Variants in NXN observed in about 807,000 individuals in gnomAD.
NXN encodes the protein nucleoredoxin.
NXN carries 16 observed loss-of-function variants against 48.6 expected under a neutral mutation model. The ratio of observed to expected loss-of-function variants is 0.33; its 90% CI spans 0.22 to 0.50. The LOEUF (loss-of-function observed/expected upper bound fraction) is 0.50, where lower values mean the gene tolerates loss of function less well. Ranked by LOEUF, NXN falls within the 20% of genes least tolerant of loss-of-function variation. The pLI, the probability that NXN is intolerant of heterozygous loss-of-function variation, is 0.98. For synonymous variants in NXN, 281 were observed against 269.6 expected (o/e 1.04, Z -0.41); for missense variants, 492 against 605.5 (o/e 0.81, Z 1.97).
intron 1 of NXN, among the ~76,000 whole-genome samples, chr17:963,860 G>A (rs927561859): frequency 1.3e-5 from 2 of 152,196 alleles, no homozygotes; most frequent in East Asian, 1.9e-4. Context: ...GGCAGATCAC[G>A]AGGTCAGGAG....
At chr17:871,360 G>A (rs2068151520) in intron 1 of NXN, among the ~76,000 whole-genome samples, 1 of 149,816 alleles carries the variant, frequency 6.7e-6, no homozygotes, top group Non-Finnish European at 1.5e-5. Flanking sequence ...GTTAGTAAAT[G>A]GTCTGTTTTC....
chr17:810,769 C>A (rs547797735), intron 5 of NXN, among the ~76,000 whole-genome samples: 4 of 152,102 alleles, frequency 2.6e-5, no homozygotes, highest in Non-Finnish European at 5.9e-5. Context: ...CACCCCTGTA[C>A]TCCCAGCTAC....
intron 1 of NXN, among the ~76,000 whole-genome samples, chr17:915,885 C>CCCTAA (rs1468143906): frequency 5.9e-5 from 9 of 151,696 alleles, no homozygotes; most frequent in East Asian, 3.9e-4. Flanking sequence ...CTGGAACTTC[C>CCCTAA]AGCTGCTCCC....
intron 1 of NXN, among the ~76,000 whole-genome samples, chr17:833,071 T>C (rs1049706610): frequency 2.0e-5 from 3 of 152,074 alleles, no homozygotes; most frequent in Non-Finnish European, 4.4e-5. Context: ...TTTGTATTTT[T>C]TAGTAGAGAC....
intron 5 of NXN, among the ~76,000 whole-genome samples, chr17:811,719 C>G (rs1014531410): frequency 1.6e-3 from 237 of 152,218 alleles, no homozygotes; most frequent in Non-Finnish European, 2.6e-3. Context: ...AACTCATCAT[C>G]AAGACCACGG....
rs190674623 is a variant in NXN at position 810,235 on chromosome 17, C to T, written c.821-4988G>A. On this transcript the variant is annotated intron_variant, in intron 5 of 7. Transcript: ENST00000336868. ...GCACGTTACGAGTCCGTGTGAGTGG[C>T]GTGCACGTTACGAGTCTGTGAGTGG... is the stretch of plus-strand genomic sequence containing the variant. 3.3e-4 allele frequency among the ~76,000 whole-genome samples: 25 copies of T among 76,830 alleles called. No individual in the cohort carries two copies. In the East Asian group the frequency reaches 9.8e-3, roughly 30 times the overall value. The allele number at this position is 76,830 out of a possible 152,430, so 50.4% of individuals were successfully genotyped here.
At chr17:841,999 G>A (rs1450225293) in intron 1 of NXN, among the ~76,000 whole-genome samples, 2 of 152,138 alleles carry the variant, frequency 1.3e-5, no homozygotes, top group Non-Finnish European at 2.9e-5. Flanking sequence ...AGCCGGGTGT[G>A]GTGGCGCATG....
intron 1 of NXN, among the ~76,000 whole-genome samples, chr17:901,385 G>A (rs557338365): frequency 1.1e-3 from 173 of 152,204 alleles, no homozygotes; most frequent in Non-Finnish European, 1.9e-3. Flanking sequence ...TTTCCTCTCC[G>A]CAGTTTATTC....
intron 1 of NXN, among the ~76,000 whole-genome samples, chr17:879,036 G>C (rs554651003): frequency 2.0e-5 from 3 of 151,820 alleles, no homozygotes; most frequent in South Asian, 2.1e-4. Flanking sequence ...GTGGTGGCAG[G>C]CGCCTCTAAT....
chr17:974,036 C>T (rs902329303), intron 1 of NXN, among the ~76,000 whole-genome samples: 1 of 151,674 alleles, frequency 6.6e-6, no homozygotes, highest in African/African-American at 2.4e-5. Flanking sequence ...TTGTAAAAGT[C>T]ATTGGTTTGA....
At chr17:844,545 T>C (rs2067838741) in intron 1 of NXN, among the ~76,000 whole-genome samples, 1 of 152,208 alleles carries the variant, frequency 6.6e-6, no homozygotes, top group African/African-American at 2.4e-5. Context: ...AATACAAATA[T>C]ATGGTAGGTT....
intron 1 of NXN, among the ~76,000 whole-genome samples, chr17:913,295 CAG>C (rs10617342): frequency 0.72 from 108,877 of 151,862 alleles, 41,716 homozygotes; most frequent in East Asian, 1. Flanking sequence ...TCCCAAATGA[CAG>C]AACTCATCCA....
intron 7 of NXN, 137 bp from the exon 8 acceptor site, chr17:801,268 C>T: frequency 1.8e-6 from 1 of 569,714 alleles, no homozygotes; most frequent in Non-Finnish European, 2.7e-6. Context: ...GGGCTCCCAG[C>T]CTGGGAAGGA....
chr17:964,767 A>G (rs2069282022), intron 1 of NXN, among the ~76,000 whole-genome samples: 1 of 152,266 alleles, frequency 6.6e-6, no homozygotes, highest in Non-Finnish European at 1.5e-5. Flanking sequence ...AAATGGACTG[A>G]GTCACCCTAA....
intron 5 of NXN, among the ~76,000 whole-genome samples, chr17:814,405 G>A (rs1468980344): frequency 6.6e-6 from 1 of 152,190 alleles, no homozygotes; most frequent in Non-Finnish European, 1.5e-5. Flanking sequence ...CCTCAGAGAG[G>A]AAGATTCTGC....
intron 5 of NXN, among the ~76,000 whole-genome samples, chr17:807,199 G>A (rs76505847): frequency 0.058 from 8,825 of 152,242 alleles, 563 homozygotes; most frequent in African/African-American, 0.16. Context: ...AGGGACAGCT[G>A]GCCGCACAGG....
chr17:836,798 T>C, intron 1 of NXN, among the ~76,000 whole-genome samples: 1 of 152,160 alleles, frequency 6.6e-6, no homozygotes, highest in Non-Finnish European at 1.5e-5. Flanking sequence ...TAAGTGTTAG[T>C]TGCTTTAAGC....
chr17:979,085 T>G (rs1177119768), intron 1 of NXN, among the ~76,000 whole-genome samples: 1 of 99,900 alleles, frequency 1.0e-5, no homozygotes, highest in South Asian at 4.0e-4. Flanking sequence ...GGTCCTGGGA[T>G]GAGGGTGCGG....
At chr17:856,505 T>TTTTTTTTTTG (rs1490959130) in intron 1 of NXN, among the ~76,000 whole-genome samples, 3 of 138,408 alleles carry the variant, frequency 2.2e-5, no homozygotes, top group Non-Finnish European at 3.1e-5. Flanking sequence ...TTTTTTTTTT[T>TTTTTTTTTTG]TTTGAGACTG....
Sources: allele counts gnomAD v4.1 joint callset (sites outside exome capture counted in the v4.1 genomes callset), GRCh38; gene constraint gnomAD v4.1.1; transcripts MANE v1.5; gene names NCBI Gene and HGNC (gene_info 2026-07-23, HGNC 2026-07-21).